Variants in KANSL1 observed in about 807,000 individuals in gnomAD.
KANSL1 encodes KAT8 regulatory NSL complex subunit 1, also known as MLL1/MLL complex subunit KANSL1.
KANSL1 carries 22 observed loss-of-function variants against 103.6 expected under a neutral mutation model. That is an observed-to-expected ratio of 0.21 (90% CI 0.15 to 0.30). The LOEUF (loss-of-function observed/expected upper bound fraction) is 0.30. KANSL1 is among the 10% of genes least tolerant of loss of function. KANSL1 has a pLI of 1.00. For synonymous variants in KANSL1, 600 were observed against 527.6 expected, an observed-to-expected ratio of 1.14 and a Z score of -1.88; for missense variants, 1,337 against 1,399.8, an observed-to-expected ratio of 0.96 and a Z score of 0.72.
chr17:46,171,880 T>C lies in KANSL1; in HGVS notation c.264A>G (p.Thr88=), dbSNP rs1057520987. Residue 88 remains threonine (T), a synonymous_variant, in exon 2 of 15, where the codon ACA becomes ACG. Transcript: ENST00000432791. ...TCAAAGACTCCTTTGAGGGAACAGATGTTACATCAGAGCAGAGATAAGATG... is the reference window on the plus strand; with the variant it reads ...TCAAAGACTCCTTTGAGGGAACAGACGTTACATCAGAGCAGAGATAAGATG... The part of the protein sequence containing the change: ...LVASYLCSDV[T]SVPSKESLKL... 1 of 1,614,244 alleles carries C rather than the reference T, an allele frequency of 6.2e-7. No homozygotes were observed.
chr17:46,130,390 T>TAAAG (rs2043806677), intron 2 of KANSL1, among the ~76,000 whole-genome samples: 1 of 152,130 alleles, frequency 6.6e-6, no homozygotes, highest in African/African-American at 2.4e-5. Flanking sequence ...AGTAGAGGAT[T>TAAAG]TAAATAAAAG....
chr17:46,214,727 C>G (rs993225139), intron 1 of KANSL1, among the ~76,000 whole-genome samples: 3 of 151,750 alleles, frequency 2.0e-5, no homozygotes, highest in African/African-American at 4.8e-5. Context: ...CTCAAAGAAC[C>G]TAGACACTAG....
chr17:46,159,123 C>A (rs536064393), intron 2 of KANSL1, among the ~76,000 whole-genome samples: 2 of 152,334 alleles, frequency 1.3e-5, no homozygotes, highest in Admixed American at 6.5e-5. Flanking sequence ...CCTGTGGAAA[C>A]TGCATGCAAT....
chr17:46,184,987 C>T (rs1020167666), intron 1 of KANSL1, among the ~76,000 whole-genome samples: 5 of 151,996 alleles, frequency 3.3e-5, no homozygotes, highest in Non-Finnish European at 5.9e-5. Context: ...TTACAGGCAC[C>T]CGCCACCACA....
chr17:46,127,777 CAAAAA>C (rs34472278), intron 2 of KANSL1, among the ~76,000 whole-genome samples: 2 of 143,178 alleles, frequency 1.4e-5, no homozygotes, highest in Non-Finnish European at 3.0e-5. Context: ...GACCCTGTCT[CAAAAA>C]AAAAAAAAGT....
chr17:46,213,638 G>A (rs1348113430), intron 1 of KANSL1, among the ~76,000 whole-genome samples: 1 of 151,626 alleles, frequency 6.6e-6, no homozygotes, highest in Non-Finnish European at 1.5e-5. Flanking sequence ...GGAACTAGGC[G>A]GGGTGCAGTG....
intron 1 of KANSL1, among the ~76,000 whole-genome samples, chr17:46,216,616 A>AAAAAAAAAAAT (rs778351416): frequency 2.0e-5 from 3 of 147,958 alleles, no homozygotes; most frequent in Non-Finnish European, 3.0e-5. Context: ...AAAAAAAAAA[A>AAAAAAAAAAAT]GTTTCAAAGA....
At chr17:46,197,630 G>C (rs2047656805), upstream of KANSL1, among the ~76,000 whole-genome samples, 1 of 152,228 alleles carries the variant, frequency 6.6e-6, no homozygotes, top group Admixed American at 6.5e-5. Flanking sequence ...GCGACAGAAG[G>C]AGACTGTGTC....
upstream of KANSL1, chr17:46,193,862 TGTTTG>T (rs2047502044): frequency 6.1e-6 from 1 of 163,356 alleles, no homozygotes; most frequent in African/African-American, 2.4e-5. Context: ...AGCGAGGAAC[TGTTTG>T]CACTGTGTAG....
intron 1 of KANSL1, among the ~76,000 whole-genome samples, chr17:46,219,444 C>A (rs1251884203): frequency 6.6e-6 from 1 of 152,160 alleles, no homozygotes; most frequent in Non-Finnish European, 1.5e-5. Flanking sequence ...TTCACTGCAA[C>A]CTCCACCTCC....
chr17:46,049,401 A>G (rs1285240126), intron 7 of KANSL1: 1 of 151,722 alleles, frequency 6.6e-6, no homozygotes, highest in African/African-American at 2.4e-5. Flanking sequence ...ACGCCCTGCT[A>G]ATTTTTGTAT....
At chr17:46,039,278 T>C in intron 8 of KANSL1, 63 bp from the exon 9 acceptor site, 1 of 1,446,302 alleles carries the variant, frequency 6.9e-7, no homozygotes, top group African/African-American at 1.4e-5. Flanking sequence ...CTTATTCGAG[T>C]TCCAAGCTCT....
chr17:46,061,830 G>A (rs2078167575), intron 6 of KANSL1, among the ~76,000 whole-genome samples: 1 of 152,006 alleles, frequency 6.6e-6, no homozygotes, highest in Non-Finnish European at 1.5e-5. Flanking sequence ...GGTGGCTCAC[G>A]CCTGTAATCC....
chr17:46,221,248 C>G (rs908207391), intron 1 of KANSL1: 2 of 152,070 alleles, frequency 1.3e-5, no homozygotes, highest in African/African-American at 4.8e-5. Flanking sequence ...CATCCAGCAG[C>G]CCTAAGAACT....
At chr17:46,038,092 C>T (rs1342011013) in intron 10 of KANSL1, 1 of 161,884 alleles carries the variant, frequency 6.2e-6, no homozygotes, top group African/African-American at 2.4e-5. Flanking sequence ...CACCTCCACT[C>T]ACCCAGAGAG....
intron 6 of KANSL1, among the ~76,000 whole-genome samples, chr17:46,062,433 A>C (rs2078211712): frequency 7.3e-6 from 1 of 137,076 alleles, no homozygotes; most frequent in South Asian, 2.2e-4. Context: ...ATCTCAGCTC[A>C]CTGCAACCTC....
At chr17:46,214,655 C>A (rs1008524991) in intron 1 of KANSL1, among the ~76,000 whole-genome samples, 3 of 147,904 alleles carry the variant, frequency 2.0e-5, no homozygotes, top group Admixed American at 6.7e-5. Flanking sequence ...AATTCCGTCT[C>A]AAAAAAAAAA....
chr17:46,065,842 A>G (rs866254884), intron 6 of KANSL1, among the ~76,000 whole-genome samples: 2 of 152,260 alleles, frequency 1.3e-5, no homozygotes, highest in East Asian at 1.9e-4. Context: ...TTTTTTAGTA[A>G]TATCAATTTA....
At chr17:46,155,315 G>A (rs1227744362) in intron 2 of KANSL1, among the ~76,000 whole-genome samples, 1 of 152,016 alleles carries the variant, frequency 6.6e-6, no homozygotes, top group Non-Finnish European at 1.5e-5. Context: ...GTGCGACCAT[G>A]CCCAGCTAAT....
Sources: allele counts gnomAD v4.1 joint callset (sites outside exome capture counted in the v4.1 genomes callset), GRCh38; gene constraint gnomAD v4.1.1; transcripts MANE v1.5; gene names NCBI Gene and HGNC (gene_info 2026-07-23, HGNC 2026-07-21).